ZMIZ1: variants seen among roughly 807,000 people sequenced by gnomAD.
ZMIZ1 encodes zinc finger MIZ-type containing 1.
A neutral mutation model predicts 113.9 loss-of-function variants in ZMIZ1; 17 were observed. That is an observed-to-expected ratio of 0.15 (90% confidence interval 0.10 to 0.22). The LOEUF (loss-of-function observed/expected upper bound fraction) is 0.22, where lower values mean the gene tolerates loss of function less well. Among genes scored for constraint, ZMIZ1 ranks in the 10% least tolerant of loss-of-function variants. The probability of loss-of-function intolerance (pLI) is 1.00; values close to 1 mark genes in which losing one functional copy is unlikely to be tolerated. For synonymous variants in ZMIZ1, 607 were observed against 603.1 expected (o/e 1.01, Z -0.09); for missense variants, 1,059 against 1,477.8 (o/e 0.72, Z 4.65).
chr10:79,233,636 A>C lies in ZMIZ1; in HGVS notation c.280+17362A>C, dbSNP rs193051289. 5.3e-5 allele frequency among the ~76,000 whole-genome samples: 8 copies of C among 152,376 alleles called. No individual in the cohort carries two copies. The East Asian group carries it at 1.5e-3, about 29-fold the overall frequency. On this transcript the variant is annotated intron_variant, in intron 7 of 24. Coordinates refer to ENST00000334512, the MANE Select transcript of ZMIZ1 (RefSeq NM_020338.4). ...AGCAACCCCAAACCGTAGCATCCAC[A>C]GGGCTGAGATCACCATGCCTGATTT... is the stretch of plus-strand genomic sequence containing the variant.
intron 7 of ZMIZ1, among the ~76,000 whole-genome samples, chr10:79,268,175 C>A (rs1305851952): frequency 6.6e-6 from 1 of 152,228 alleles, no homozygotes; most frequent in Non-Finnish European, 1.5e-5. Flanking sequence ...GCGCCGGCCC[C>A]TGAGCAGAGG....
At chr10:79,103,033 T>C (rs1386082264) in intron 1 of ZMIZ1, among the ~76,000 whole-genome samples, 1 of 151,974 alleles carries the variant, frequency 6.6e-6, no homozygotes, top group South Asian at 2.1e-4. Context: ...TGCAGTACAG[T>C]AGTAATGTCG....
intron 2 of ZMIZ1, among the ~76,000 whole-genome samples, chr10:79,126,982 T>G (rs1229099826): frequency 6.6e-6 from 1 of 152,162 alleles, no homozygotes; most frequent in African/African-American, 2.4e-5. Flanking sequence ...GGATGAGGGA[T>G]TAGGTCCCTG....
At chr10:79,255,818 T>C (rs1316100862) in intron 7 of ZMIZ1, among the ~76,000 whole-genome samples, 1 of 152,232 alleles carries the variant, frequency 6.6e-6, no homozygotes, top group African/African-American at 2.4e-5. Flanking sequence ...AAAACAATAG[T>C]GATTTCCGCA....
chr10:79,248,099 G>T (rs1850317418), intron 7 of ZMIZ1, among the ~76,000 whole-genome samples: 1 of 152,190 alleles, frequency 6.6e-6, no homozygotes, highest in Non-Finnish European at 1.5e-5. Context: ...CCGCATCTGG[G>T]TGTGCAGTGG....
At chr10:79,135,314 G>T (rs1589316720) in intron 2 of ZMIZ1, among the ~76,000 whole-genome samples, 1 of 152,320 alleles carries the variant, frequency 6.6e-6, no homozygotes, top group Non-Finnish European at 1.5e-5. Context: ...TCCCATGACT[G>T]GGCAGATGGT....
chr10:79,177,766 TTTTTCCTTATTGTAAAGTA>T (rs1326747820), intron 4 of ZMIZ1, among the ~76,000 whole-genome samples: 32 of 152,224 alleles, frequency 2.1e-4, no homozygotes, highest in Admixed American at 6.5e-5. Context: ...TAATGTCCTT[TTTTTCCTTATTGTAAAGTA>T]TATGCATGCT....
At chr10:79,071,804 G>A (rs1032607184) in intron 1 of ZMIZ1, among the ~76,000 whole-genome samples, 6 of 152,186 alleles carry the variant, frequency 3.9e-5, no homozygotes, top group South Asian at 4.1e-4. Context: ...TGCATTTGGA[G>A]GGAGATGGTG....
intron 18 of ZMIZ1, 142 bp downstream of exon 18, chr10:79,302,354 C>T: frequency 1.2e-6 from 1 of 803,904 alleles, no homozygotes; most frequent in Non-Finnish European, 2.0e-6. Flanking sequence ...CTGAGCGCGC[C>T]CTGTCCTGAG....
intron 8 of ZMIZ1, among the ~76,000 whole-genome samples, chr10:79,283,614 G>T (rs952910184): frequency 1.3e-5 from 2 of 152,144 alleles, no homozygotes; most frequent in Non-Finnish European, 2.9e-5. Flanking sequence ...TTTATGTTAG[G>T]GCTTTGTTGC....
chr10:79,182,133 C>A (rs558319667), intron 4 of ZMIZ1, among the ~76,000 whole-genome samples: 4 of 152,148 alleles, frequency 2.6e-5, no homozygotes, highest in Non-Finnish European at 5.9e-5. Context: ...TGTGCACATG[C>A]GTGTGTGCAT....
At chr10:79,109,676 C>T (rs1214690413) in intron 1 of ZMIZ1, among the ~76,000 whole-genome samples, 3 of 152,350 alleles carry the variant, frequency 2.0e-5, no homozygotes, top group South Asian at 2.1e-4. Context: ...AGGACAGCCC[C>T]GGGTCGTGGG....
chr10:79,296,583 A>G lies in ZMIZ1; in HGVS notation c.1343A>G (p.Gln448Arg). The G allele has an allele frequency of 6.3e-7, 1 of 1,597,586 alleles. No individual in the cohort carries two copies. The highest frequency in any genetic ancestry group is 8.5e-7 in the Non-Finnish European group (1 of 1,172,084). Reference protein sequence around the residue: ...RPLTSPNYPGQRMPSQPSSGQ... With the variant: ...RPLTSPNYPGRRMPSQPSSGQ... ...CTCACCTCCCCCAACTACCCAGGAC[A>G]GAGGATGCCCAGCCAGCCGAGCTCC... Residue 448 changes from glutamine (Q) to arginine (R), a missense_variant, in exon 13 of 25, where the codon CAG (glutamine) becomes CGG (arginine). This residue lies in a region of ZMIZ1 where 239 missense variants were observed against 247.5 expected (regional missense o/e 0.97). Transcript: ENST00000334512. This position sits in a 1 kb window ranked among gnomAD's most constrained non-coding sequence, Gnocchi z 4.1.
chr10:79,100,029 C>A (rs1843305606), intron 1 of ZMIZ1, among the ~76,000 whole-genome samples: 1 of 152,100 alleles, frequency 6.6e-6, no homozygotes, highest in Non-Finnish European at 1.5e-5. Flanking sequence ...TAATGGACCA[C>A]ACACCCTGAT....
intron 7 of ZMIZ1, among the ~76,000 whole-genome samples, chr10:79,227,078 G>A (rs1849226240): frequency 6.6e-6 from 1 of 152,152 alleles, no homozygotes; most frequent in Non-Finnish European, 1.5e-5. Context: ...AGGGCTTTCT[G>A]GCCAAAAAGA....
intron 2 of ZMIZ1, among the ~76,000 whole-genome samples, chr10:79,127,633 A>C (rs796072195): frequency 7.9e-5 from 12 of 152,232 alleles, no homozygotes; most frequent in African/African-American, 2.9e-4. Context: ...AAGGCATGAG[A>C]CTTGACCAGG....
intron 4 of ZMIZ1, among the ~76,000 whole-genome samples, chr10:79,196,016 C>A (rs966998586): frequency 6.6e-6 from 1 of 152,102 alleles, no homozygotes; most frequent in Non-Finnish European, 1.5e-5. Context: ...CTCTTGCATG[C>A]CTCCCTCAGC....
chr10:79,200,474 A>G (rs903383914), intron 4 of ZMIZ1, among the ~76,000 whole-genome samples: 4 of 152,172 alleles, frequency 2.6e-5, no homozygotes, highest in African/African-American at 7.2e-5. Flanking sequence ...AGTCCCATTC[A>G]TGCTAATGGC....
chr10:79,279,628 A>G (rs377051879), intron 8 of ZMIZ1, among the ~76,000 whole-genome samples: 1 of 152,090 alleles, frequency 6.6e-6, no homozygotes, highest in South Asian at 2.1e-4. Flanking sequence ...GGAGGTGGAG[A>G]TTGTAGCGAG....
Sources: gnomAD v4.1 joint callset for allele counts (sites outside exome capture counted in the v4.1 genomes callset) on GRCh38, gnomAD v4.1.1 for gene constraint, gnomAD v4.1.1 regional missense constraint, Gnocchi (gnomAD v3.1) non-coding constraint, MANE v1.5 for transcripts, NCBI Gene and HGNC (gene_info 2026-07-23, HGNC 2026-07-21) for gene names.